The following GJC1 variants were observed in gnomAD, a reference collection of about 807,000 sequenced individuals.
GJC1 encodes the protein gap junction gamma-1 protein.
A neutral mutation model predicts 29.3 loss-of-function variants in GJC1; 5 were observed. That is an observed-to-expected ratio of 0.17 (90% CI 0.09 to 0.36). The LOEUF (loss-of-function observed/expected upper bound fraction) is 0.36, where lower values mean the gene tolerates loss of function less well. GJC1 is among the 10% of genes least tolerant of loss of function. The pLI is 1.00. For synonymous variants in GJC1, 177 were observed against 183.3 expected (o/e 0.97, Z 0.28); for missense variants, 310 against 496.2 (o/e 0.62, Z 3.56).
At position 44,802,538 on chromosome 17, in the gene GJC1, C is replaced by T. The variant is rs1467846008; in HGVS notation, c.*2089G>A. 6.6e-6 allele frequency: 1 copy of T among 152,118 alleles called. No individual in the cohort carries two copies. The highest frequency in any genetic ancestry group is 1.5e-5 in the Non-Finnish European group (1 of 68,044). The allele number at this position is 152,118 out of a possible 1,614,324, so 9.4% of individuals were successfully genotyped here. On this transcript the variant is annotated 3_prime_UTR_variant, in exon 3 of 3. Transcript: ENST00000592524. Reference sequence around the variant, plus strand: ...GGAAACTGTGCATGTCTATTAATTACCCATGAGGTACATGTGTATTTCTGA... The same window carrying T: ...GGAAACTGTGCATGTCTATTAATTATCCATGAGGTACATGTGTATTTCTGA...
chr17:44,817,839 T>C (rs933159362), intron 1 of GJC1, among the ~76,000 whole-genome samples: 6 of 152,138 alleles, frequency 3.9e-5, no homozygotes, highest in Admixed American at 1.3e-4. Context: ...CACTCGCTAG[T>C]AAAGAATTAC....
intron 1 of GJC1, among the ~76,000 whole-genome samples, chr17:44,813,458 C>T (rs1447327149): frequency 7.1e-6 from 1 of 139,890 alleles, no homozygotes; most frequent in East Asian, 2.1e-4. Flanking sequence ...CTTGGATACT[C>T]TTCCCTTTCC....
chr17:44,795,133 T>C (rs1187255939), downstream of GJC1: 2 of 152,250 alleles, frequency 1.3e-5, no homozygotes, highest in Admixed American at 6.5e-5. Context: ...GAGAAATATC[T>C]AAGTAATGAC....
At chr17:44,830,541 A>G (rs1299697702), upstream of GJC1, 8 of 396,908 alleles carry the variant, frequency 2.0e-5, no homozygotes, top group Non-Finnish European at 2.7e-5. This position sits in a 1 kb window ranked among gnomAD's most constrained non-coding sequence, Gnocchi z 4.3. Context: ...CGCTCCGGAC[A>G]GTTCATTCTT....
chr17:44,822,194 C>T (rs1456092683), intron 1 of GJC1, among the ~76,000 whole-genome samples: 1 of 64,632 alleles, frequency 1.5e-5, no homozygotes, highest in Non-Finnish European at 2.5e-5. Flanking sequence ...GAGACTCCGT[C>T]TCAAAAAAAA....
At chr17:44,808,687 G>A (rs904513094) in intron 1 of GJC1, among the ~76,000 whole-genome samples, 4 of 152,192 alleles carry the variant, frequency 2.6e-5, no homozygotes, top group African/African-American at 7.2e-5. Flanking sequence ...ACTTGAGCCC[G>A]GGAGGTAGAG....
downstream of GJC1, among the ~76,000 whole-genome samples, chr17:44,795,680 T>C (rs2049778777): frequency 6.6e-6 from 1 of 152,226 alleles, no homozygotes; most frequent in Non-Finnish European, 1.5e-5. Context: ...GCTGTGGGGC[T>C]CTGACCCCAA....
intron 1 of GJC1, among the ~76,000 whole-genome samples, chr17:44,823,501 C>T (rs1276645214): frequency 2.0e-5 from 3 of 151,892 alleles, no homozygotes; most frequent in Admixed American, 6.6e-5. Flanking sequence ...CCCCCCGCCT[C>T]GGCCTCCCAA....
chr17:44,810,448 G>A (rs1438221169), intron 1 of GJC1, among the ~76,000 whole-genome samples: 4 of 152,172 alleles, frequency 2.6e-5, no homozygotes, highest in African/African-American at 9.6e-5. Flanking sequence ...CCATTAGTAA[G>A]TATTGTGTAC....
At position 44,830,280 on chromosome 17, in the gene GJC1, G is replaced by C. The variant is rs2050219277; in HGVS notation, c.-315C>G. 6.3e-6 allele frequency: 1 copy of C among 157,640 alleles called. No homozygotes were observed. Among genetic ancestry groups the C allele is most frequent in the Admixed American group, 6.6e-5 (1 of 15,086 alleles). The allele number at this position is 157,640 out of a possible 1,614,324, so 9.8% of individuals were successfully genotyped here. On this transcript the variant is annotated 5_prime_UTR_variant, in exon 1 of 3. Transcript: ENST00000592524. This position sits in a 1 kb window ranked among gnomAD's most constrained non-coding sequence, Gnocchi z 4.3. ...TCCCGCTCCCGCCGCCGCGACCCGC[G>C]GGAAGGCGCCTGCGCACTGCGCGCT...
At chr17:44,825,033 A>G (rs890405104) in intron 1 of GJC1, among the ~76,000 whole-genome samples, 6 of 151,126 alleles carry the variant, frequency 4.0e-5, no homozygotes, top group Admixed American at 4.0e-4. Flanking sequence ...ACAAAACAAG[A>G]CCCTGTCTCT....
intron 1 of GJC1, among the ~76,000 whole-genome samples, chr17:44,815,898 G>A (rs59019128): frequency 4.0e-5 from 6 of 151,828 alleles, no homozygotes; most frequent in Non-Finnish European, 7.4e-5. Context: ...CGGATCATGA[G>A]GTCAGGAGAT....
At chr17:44,794,830 T>A (rs1373128882), downstream of GJC1, 2 of 152,032 alleles carry the variant, frequency 1.3e-5, no homozygotes, top group African/African-American at 4.8e-5. Flanking sequence ...CTTGTGGCGG[T>A]TTGGCTGAGG....
intron 1 of GJC1, among the ~76,000 whole-genome samples, chr17:44,823,138 G>A (rs2050131021): frequency 6.6e-6 from 1 of 151,590 alleles, no homozygotes; most frequent in South Asian, 2.1e-4. Context: ...ATTGGGAGTT[G>A]AATATAGTTT....
intron 1 of GJC1, among the ~76,000 whole-genome samples, chr17:44,819,244 A>G (rs1403462614): frequency 1.3e-5 from 2 of 152,054 alleles, no homozygotes; most frequent in African/African-American, 4.8e-5. Flanking sequence ...TACTTTCTCT[A>G]TGGTTGTGAC....
chr17:44,818,611 G>C (rs2050070282), intron 1 of GJC1, among the ~76,000 whole-genome samples: 1 of 151,256 alleles, frequency 6.6e-6, no homozygotes, highest in Admixed American at 6.6e-5. Context: ...GACCAGCCTG[G>C]CCAACATGGT....
chr17:44,809,004 G>A (rs536747781), intron 1 of GJC1, among the ~76,000 whole-genome samples: 1 of 152,110 alleles, frequency 6.6e-6, no homozygotes, highest in African/African-American at 2.4e-5. Context: ...AACCTGGGAG[G>A]GGGAGGTGGA....
At chr17:44,827,031 C>A (rs1321071340) in intron 1 of GJC1, among the ~76,000 whole-genome samples, 1 of 152,098 alleles carries the variant, frequency 6.6e-6, no homozygotes, top group Non-Finnish European at 1.5e-5. Flanking sequence ...ATAATCTGGT[C>A]GAGTGCGGTG....
At chr17:44,795,674 T>TG (rs1390283520), downstream of GJC1, among the ~76,000 whole-genome samples, 6 of 152,228 alleles carry the variant, frequency 3.9e-5, no homozygotes, top group Admixed American at 3.9e-4. Context: ...GGGCAGGCTG[T>TG]GGGGCTCTGA....
Sources: gnomAD v4.1 joint callset for allele counts (sites outside exome capture counted in the v4.1 genomes callset) on GRCh38, gnomAD v4.1.1 for gene constraint, Gnocchi (gnomAD v3.1) non-coding constraint, MANE v1.5 for transcripts, NCBI Gene and HGNC (gene_info 2026-07-23, HGNC 2026-07-21) for gene names.